C2CD2: variants seen among roughly 807,000 people sequenced by gnomAD.
C2CD2 encodes C2 calcium dependent domain containing 2.
C2CD2 carries 43 observed loss-of-function variants against 74.3 expected under a neutral mutation model. The observed-to-expected ratio is 0.58, with a 90% CI of 0.45 to 0.75. The LOEUF is 0.75. C2CD2 is among the 30% of genes least tolerant of loss of function. The pLI, the probability that C2CD2 is intolerant of heterozygous loss-of-function variation, is 0.00. For missense variants in C2CD2, 801 were observed against 916.3 expected, an observed-to-expected ratio of 0.87 and a Z score of 1.63; for synonymous variants, 422 against 390.7, an observed-to-expected ratio of 1.08 and a Z score of -0.94.
Position 41,903,769 on chromosome 21 carries a change from G to A in C2CD2, c.1432+1955C>T, listed in dbSNP as rs1396983973. Among the ~76,000 whole-genome samples, 1 of 152,066 alleles carries A rather than the reference G, an allele frequency of 6.6e-6. No individual in the cohort carries two copies. The highest frequency in any genetic ancestry group is 1.5e-5 in the Non-Finnish European group (1 of 68,014). ...AGGTGCAGCCTGCACCGTGGCAGGT[G>A]AGCCTGGGGGCCGGCTCCATGGACC... is the stretch of plus-strand genomic sequence containing the variant. On this transcript the variant is annotated intron_variant, in intron 11 of 13. Coordinates refer to ENST00000380486, the MANE Select transcript of C2CD2 (RefSeq NM_015500.2). The surrounding 1 kb of genome is among the most constrained non-coding windows in gnomAD (Gnocchi z 4.5).
At chr21:41,907,617 G>A in intron 9 of C2CD2, 43 bp downstream of exon 9, 5 of 1,592,336 alleles carry the variant, frequency 3.1e-6, no homozygotes, top group South Asian at 1.1e-5. Context: ...TTGGGTAAGT[G>A]CCCCAAGCCG....
In C2CD2 at chr21:41,903,987, C is replaced by A. The variant is rs1341015406; in HGVS notation, c.1432+1737G>T. On this transcript the variant is annotated intron_variant, in intron 11 of 13. Transcript: ENST00000380486. This position sits in a 1 kb window ranked among gnomAD's most constrained non-coding sequence, Gnocchi z 4.5. The stretch of plus-strand genomic sequence containing the variant: ...GGCTCCAGCTCAAATAAGGGCTGGG[C>A]AAAATGAGGCTGGGATCCCCTGGGC... Among the ~76,000 whole-genome samples the A allele has an allele frequency of 1.3e-5, 2 of 152,098 alleles. No individual in the cohort carries two copies. The highest frequency in any genetic ancestry group is 4.2e-4 in the South Asian group (2 of 4,812).
chr21:41,948,475 A>C (rs2065420923), intron 1 of C2CD2, among the ~76,000 whole-genome samples: 1 of 152,238 alleles, frequency 6.6e-6, no homozygotes, highest in Non-Finnish European at 1.5e-5. Flanking sequence ...AGAGAAGTTA[A>C]ATAAGCAGGA....
chr21:41,952,196 T>C lies in C2CD2; in HGVS notation c.279+1174A>G, dbSNP rs150926968. ...AGTCAGTCAACTGACCCTGAAGCCT[T>C]TTTCCTCCAAAAAGTACAGTCATTT... On this transcript the variant is annotated intron_variant, in intron 1 of 13. Coordinates refer to ENST00000380486, the MANE Select transcript of C2CD2 (RefSeq NM_015500.2). Among the ~76,000 whole-genome samples, 522 of 152,312 alleles carry C rather than the reference T, an allele frequency of 3.4e-3. 5 individuals are homozygous for C. Among genetic ancestry groups the C allele is most frequent in the African/African-American group, 0.012 (498 of 41,562 alleles).
intron 10 of C2CD2, 53 bp from the exon 11 acceptor site, chr21:41,905,890 A>C: frequency 1.0e-6 from 1 of 970,704 alleles, no homozygotes; most frequent in Non-Finnish European, 1.7e-6. Context: ...GACTGGATCA[A>C]CAGTTACCGA....
intron 2 of C2CD2, among the ~76,000 whole-genome samples, chr21:41,922,995 T>C (rs796538276): frequency 1.1e-4 from 10 of 87,750 alleles, no homozygotes; most frequent in African/African-American, 6.4e-4. Context: ...ATACAGTCTT[T>C]TTCCTTTTTT....
chr21:41,947,112 T>TTCTCTCCCTC lies in C2CD2; in HGVS notation c.280-4868_280-4867insGAGGGAGAGA, dbSNP rs1555906756. Among the ~76,000 whole-genome samples the TTCTCTCCCTC allele has an allele frequency of 3.1e-4, 8 of 26,214 alleles. 2 individuals carry two copies. The highest frequency in any genetic ancestry group is 1.1e-3 in the South Asian group (1 of 926). The allele number at this position is 26,214 out of a possible 152,430, so 17.2% of individuals were successfully genotyped here. ...TTTCTTTCTTTCTTTCCTTTCTCTTTTCTCTCTCTCTCTCTCTCTCTCTCT... is the reference window on the plus strand; with the variant it reads ...TTTCTTTCTTTCTTTCCTTTCTCTTTTCTCTCCCTCTCTCTCTCTCTCTCTCTCTCTCTCT... On this transcript the variant is annotated intron_variant, in intron 1 of 13. Transcript: ENST00000380486.
At chr21:41,930,563 G>A (rs1315640408) in intron 2 of C2CD2, among the ~76,000 whole-genome samples, 1 of 149,490 alleles carries the variant, frequency 6.7e-6, no homozygotes, top group South Asian at 2.2e-4. Flanking sequence ...TTAGCCGGGC[G>A]TGGTGACACG....
rs1204929158 is a variant in C2CD2, at chr21:41,899,084, G to C, written c.1839C>G (p.Val613=). 2 of 1,613,856 alleles carry C rather than the reference G, an allele frequency of 1.2e-6. No homozygotes were observed. Among genetic ancestry groups the C allele is most frequent in the Non-Finnish European group, 1.7e-6 (2 of 1,179,998 alleles). ...GCTTTTTGGCAGTGCCCGGCTCCAA[G>C]ACACTCATGGAGCTCTCTGACAGCT... ...GDELSESSMS[V]LEPGTAKKHK... The change falls in exon 13 of 14, where the codon GTC becomes GTG. Residue 613 remains valine, a synonymous_variant. Transcript: ENST00000380486. This position sits in a 1 kb window ranked among gnomAD's most constrained non-coding sequence, Gnocchi z 4.4.
intron 7 of C2CD2, among the ~76,000 whole-genome samples, chr21:41,911,847 G>C (rs1243748558): frequency 1.3e-5 from 2 of 151,942 alleles, no homozygotes; most frequent in Admixed American, 1.3e-4. Flanking sequence ...GCAAGGCAAG[G>C]GCCACCATGC....
chr21:41,915,148 G>A (rs1359079592), intron 5 of C2CD2, among the ~76,000 whole-genome samples: 4 of 152,214 alleles, frequency 2.6e-5, no homozygotes, highest in Non-Finnish European at 5.9e-5. Context: ...ACACCAGACA[G>A]ATGGGAACAG....
chr21:41,894,606 C>T, intron 13 of C2CD2: 1 of 454,812 alleles, frequency 2.2e-6, no homozygotes, highest in South Asian at 1.6e-5. Flanking sequence ...TCTCATGGAG[C>T]AAAGCCCCCT....
At chr21:41,911,420 C>T (rs1320785197) in intron 7 of C2CD2, among the ~76,000 whole-genome samples, 4 of 133,430 alleles carry the variant, frequency 3.0e-5, no homozygotes, top group Admixed American at 2.4e-4. Flanking sequence ...GATGGAGTCT[C>T]ACTTTGTTGC....
Position 41,895,108 on chromosome 21 carries a change from G to A in C2CD2, c.1870+3945C>T. 2.6e-6 allele frequency: 1 copy of A among 379,596 alleles called. No individual in the cohort carries two copies. Among genetic ancestry groups the A allele is most frequent in the African/African-American group, 2.1e-5 (1 of 48,016 alleles). 23.5% of individuals were successfully genotyped at this position (379,596 alleles called of 1,614,324 possible). A position where few individuals can be genotyped will look rare whatever the true frequency, so the allele number is the denominator to read the frequency against. On this transcript the variant is annotated intron_variant, in intron 13 of 13. Transcript: ENST00000380486. This position sits in a 1 kb window ranked among gnomAD's most constrained non-coding sequence, Gnocchi z 5.0. ...AAGGAGATTATCCTGGAGAATGTGGGTAGGCCTCATCCAATCAGCTGAAGG... is the reference window on the plus strand; with the variant it reads ...AAGGAGATTATCCTGGAGAATGTGGATAGGCCTCATCCAATCAGCTGAAGG...
rs1047066602 is a variant in C2CD2, at chr21:41,886,295, T to C, written c.*2829A>G. On this transcript the variant is annotated 3_prime_UTR_variant, in exon 14 of 14. Transcript: ENST00000380486. ...AGAAGAGGTGAGGCGATAAAGGTGA[T>C]TTACACATCAGTATTTTTAGCATTT... 33 of 152,354 alleles carry C rather than the reference T, an allele frequency of 2.2e-4. No individual in the cohort carries two copies. Among genetic ancestry groups the C allele is most frequent in the African/African-American group, 7.7e-4 (32 of 41,584 alleles). The allele number at this position is 152,354 out of a possible 1,614,324, so 9.4% of individuals were successfully genotyped here. A position where few individuals can be genotyped will look rare whatever the true frequency, so the allele number is the denominator to read the frequency against.
At chr21:41,951,066 T>A (rs1025009155) in intron 1 of C2CD2, among the ~76,000 whole-genome samples, 2 of 152,034 alleles carry the variant, frequency 1.3e-5, no homozygotes, top group Non-Finnish European at 2.9e-5. Flanking sequence ...CAGCCACGAA[T>A]GGACACAGCA....
At chr21:41,940,803 C>A (rs887111854) in intron 2 of C2CD2, among the ~76,000 whole-genome samples, 10 of 152,344 alleles carry the variant, frequency 6.6e-5, no homozygotes, top group Admixed American at 3.9e-4. Flanking sequence ...ACCATACCAT[C>A]ATGTCTAACT....
At chr21:41,894,533 G>C (rs2064797656) in intron 13 of C2CD2, 1 of 411,766 alleles carries the variant, frequency 2.4e-6, no homozygotes, top group Non-Finnish European at 4.9e-6. Context: ...TAGAAAAATG[G>C]GCAAGTCTGT....
chr21:41,948,870 C>CTTTTTT (rs967927171), intron 1 of C2CD2, among the ~76,000 whole-genome samples: 2,454 of 80,664 alleles, frequency 0.03, 779 homozygotes, highest in Middle Eastern at 0.057. Flanking sequence ...CACACAGCAT[C>CTTTTTT]TTTTTTTTTT....
Sources: gnomAD v4.1 joint callset for allele counts (sites outside exome capture counted in the v4.1 genomes callset) on GRCh38, gnomAD v4.1.1 for gene constraint, Gnocchi (gnomAD v3.1) non-coding constraint, MANE v1.5 for transcripts, NCBI Gene and HGNC (gene_info 2026-07-23, HGNC 2026-07-21) for gene names.